NBPF8: variants seen among roughly 807,000 people sequenced by gnomAD.
The protein encoded by NBPF8 is NBPF member 8.
At chr1:120,426,767 CTG>C (rs1660738962) in intron 2 of NBPF8, among the ~76,000 whole-genome samples, 1 of 151,988 alleles carries the variant, frequency 6.6e-6, no homozygotes, top group African/African-American at 2.4e-5. Flanking sequence ...ACCTGTGAAA[CTG>C]AACAAACAGC....
At chr1:120,464,440 T>C (rs1661685664) in exon 23 of NBPF8, 2 of 777,004 alleles carry the variant, frequency 2.6e-6, no homozygotes, top group Admixed American at 3.4e-5. Context: ...GGATAGATGT[T>C]ATTCAACTCC....
intron 11 of NBPF8, among the ~76,000 whole-genome samples, chr1:120,450,580 A>T (rs1344000787): frequency 0.15 from 23,276 of 151,264 alleles, 1,697 homozygotes; most frequent in East Asian, 0.47. Flanking sequence ...TTAGTTCTTC[A>T]TTCTGCTGTT....
At chr1:120,427,776 C>T (rs1426677440) in exon 3 of NBPF8, among the ~76,000 whole-genome samples, 2 of 138,970 alleles carry the variant, frequency 1.4e-5, no homozygotes, top group East Asian at 4.1e-4. Context: ...CTAAGATTTA[C>T]TGGTTGGGAA....
chr1:120,463,044 C>T (rs1182395173), intron 21 of NBPF8, 78 bp downstream of exon 19: 2 of 620,532 alleles, frequency 3.2e-6, no homozygotes, highest in African/African-American at 1.9e-5. Flanking sequence ...CCAAGTGGCC[C>T]TTACTGACCC....
chr1:120,415,528 A>G (rs1315349087), upstream of NBPF8, among the ~76,000 whole-genome samples: 3 of 152,104 alleles, frequency 2.0e-5, no homozygotes, highest in Non-Finnish European at 4.4e-5. Context: ...GTTCTGTGGC[A>G]TCCCAGGGGG....
Position 120,422,883 on chromosome 1 carries a change from A to G in NBPF8, n.269+2765A>G, listed in dbSNP as rs1341060921. On this transcript the variant is annotated intron_variant and non_coding_transcript_variant, in intron 1 of 28. Coordinates refer to the NBPF8 transcript ENST00000652355. ...TTTAATGTGCAATTCCCTCACAACAAATGATTTTGAGCATCTTTCTCATAT... is the reference window on the plus strand; with the variant it reads ...TTTAATGTGCAATTCCCTCACAACAGATGATTTTGAGCATCTTTCTCATAT... Among the ~76,000 whole-genome samples the G allele has an allele frequency of 9.0e-5, 10 of 110,610 alleles. 2 individuals are homozygous for G. Among genetic ancestry groups the G allele is most frequent in the Admixed American group, 2.4e-4 (3 of 12,722 alleles). The allele number at this position is 110,610 out of a possible 152,430, so 72.6% of individuals were successfully genotyped here.
intron 15 of NBPF8, among the ~76,000 whole-genome samples, chr1:120,455,134 T>C (rs1661400463): frequency 6.6e-6 from 1 of 151,142 alleles, no homozygotes; most frequent in African/African-American, 2.4e-5. Flanking sequence ...TTTTTGGAGA[T>C]TTTTTTGGGG....
chr1:120,429,547 G>A (rs1469625158), intron 3 of NBPF8, among the ~76,000 whole-genome samples: 2 of 152,072 alleles, frequency 1.3e-5, no homozygotes, highest in African/African-American at 4.8e-5. Context: ...ATGGCGGGAG[G>A]GATTTCCTTG....
At chr1:120,428,723 C>A (rs1199201144) in intron 3 of NBPF8, among the ~76,000 whole-genome samples, 1 of 150,892 alleles carries the variant, frequency 6.6e-6, no homozygotes, top group Non-Finnish European at 1.5e-5. Context: ...TTCTCTTGCA[C>A]GTTCCCTCAG....
chr1:120,464,227 C>A (rs1661676921), intron 22 of NBPF8, 149 bp from the exon 21 acceptor site: 6 of 598,660 alleles, frequency 1.0e-5, no homozygotes, highest in Non-Finnish European at 1.8e-5. Context: ...TGTTCTGTCC[C>A]AACATGAAGG....
upstream of NBPF8, among the ~76,000 whole-genome samples, chr1:120,418,776 G>A (rs1222328584): frequency 1.4e-5 from 2 of 146,588 alleles, no homozygotes; most frequent in East Asian, 4.0e-4. Context: ...TCAAACTCCT[G>A]GGCTCAAATG....
upstream of NBPF8, among the ~76,000 whole-genome samples, chr1:120,419,053 A>G (rs1660501176): frequency 6.6e-6 from 1 of 151,862 alleles, no homozygotes; most frequent in Non-Finnish European, 1.5e-5. Context: ...CTTGCCTGGC[A>G]TGAAACAGAT....
At position 120,451,289 on chromosome 1, in the gene NBPF8, G is replaced by A; in HGVS notation, n.2074+7G>A. On this transcript the variant is annotated splice_region_variant and intron_variant and non_coding_transcript_variant, in intron 12 of 24. Transcript: ENST00000583271. ...AGCAAGCTGAGGAGCTCAGGTGAGG[G>A]GACCCCATGGGGGCAGGCAGGGGGC... 4 of 430,596 alleles carry A rather than the reference G, an allele frequency of 9.3e-6. 1 individual carries two copies. Among genetic ancestry groups the A allele is most frequent in the Non-Finnish European group, 1.4e-5 (4 of 275,876 alleles). 26.7% of individuals were successfully genotyped at this position (430,596 alleles called of 1,614,324 possible). A position where few individuals can be genotyped will look rare whatever the true frequency, so the allele number is the denominator to read the frequency against.
chr1:120,428,450 A>T (rs1160783403), intron 3 of NBPF8, among the ~76,000 whole-genome samples: 1 of 152,060 alleles, frequency 6.6e-6, no homozygotes, highest in Non-Finnish European at 1.5e-5. Flanking sequence ...GTGGAAGAGA[A>T]GCAGGGATGG....
chr1:120,426,933 G>A (rs1298752160), intron 2 of NBPF8, among the ~76,000 whole-genome samples: 1 of 141,380 alleles, frequency 7.1e-6, no homozygotes, highest in Non-Finnish European at 1.5e-5. Context: ...GAGTTTCTTA[G>A]TTAGGATCCA....
At chr1:120,454,193 C>A (rs1403263350) in intron 15 of NBPF8, 79 bp downstream of exon 13, 9 of 1,485,978 alleles carry the variant, frequency 6.1e-6, no homozygotes, top group African/African-American at 1.4e-5. Context: ...TCTATAAACA[C>A]AAATTCATTT....
chr1:120,416,862 A>G (rs1208238970), upstream of NBPF8, among the ~76,000 whole-genome samples: 3 of 149,790 alleles, frequency 2.0e-5, no homozygotes, highest in Non-Finnish European at 4.4e-5. Flanking sequence ...TTATTTTGCC[A>G]TTCTAGTAGG....
At chr1:120,465,857 C>T in intron 24 of NBPF8, 121 bp from the exon 23 acceptor site, 1 of 1,605,626 alleles carries the variant, frequency 6.2e-7, no homozygotes, top group Non-Finnish European at 8.5e-7. Flanking sequence ...TTTGTTACCT[C>T]ATTAATGGAT....
At chr1:120,445,841 C>A (rs1661145495) in exon 8 of NBPF8, 2 of 440,500 alleles carry the variant, frequency 4.5e-6, no homozygotes, top group African/African-American at 6.6e-5. Flanking sequence ...AATATAAAGT[C>A]CTGGTTCACT....
Sources: allele counts gnomAD v4.1 joint callset (sites outside exome capture counted in the v4.1 genomes callset), GRCh38; gene constraint gnomAD v4.1.1; transcripts MANE v1.5; gene names NCBI Gene and HGNC (gene_info 2026-07-23, HGNC 2026-07-21).